PEAK1: variants seen among roughly 807,000 people sequenced by gnomAD.
The protein encoded by PEAK1 is pseudopodium enriched atypical kinase 1.
Under a neutral mutation model 124.7 loss-of-function variants are expected in PEAK1, and 54 were observed. The ratio of observed to expected loss-of-function variants is 0.43; its 90% CI spans 0.35 to 0.54. The LOEUF is 0.54. PEAK1 is among the 20% of genes least tolerant of loss of function. The probability of loss-of-function intolerance (pLI) is 0.01; values close to 1 mark genes in which losing one functional copy is unlikely to be tolerated. For missense variants in PEAK1, 2,046 were observed against 2,134.5 expected, an observed-to-expected ratio of 0.96 and a Z score of 0.82; for synonymous variants, 719 against 760.0, an observed-to-expected ratio of 0.95 and a Z score of 0.89.
chr15:77,354,786 T>C (rs1054771819), intron 2 of PEAK1, among the ~76,000 whole-genome samples: 1 of 152,160 alleles, frequency 6.6e-6, no homozygotes, highest in African/African-American at 2.4e-5. Context: ...ATGCCTGTAA[T>C]CCCAGCACTT....
At chr15:77,401,958 G>C (rs1379531281) in intron 1 of PEAK1, 1 of 943,118 alleles carries the variant, frequency 1.1e-6, no homozygotes, top group Non-Finnish European at 1.3e-6. Flanking sequence ...CAGCACTTTG[G>C]GAGGCCAACG....
intron 6 of PEAK1, among the ~76,000 whole-genome samples, chr15:77,250,237 A>ATG: frequency 8.9e-6 from 1 of 111,884 alleles, no homozygotes; most frequent in African/African-American, 3.0e-5. Context: ...ATATATGTAT[A>ATG]TGTATATATA....
chr15:77,365,131 T>C (rs1344431184), intron 2 of PEAK1, 32 bp downstream of exon 2: 29 of 789,556 alleles, frequency 3.7e-5, no homozygotes, highest in Non-Finnish European at 4.5e-5. Context: ...AAATATATAT[T>C]AAAAGGCAAA....
At chr15:77,259,735 T>A in intron 5 of PEAK1, among the ~76,000 whole-genome samples, 1 of 152,024 alleles carries the variant, frequency 6.6e-6, no homozygotes. Flanking sequence ...AGTATTATGA[T>A]CCCTAAGAAA....
chr15:77,223,402 T>A (rs906690052), intron 6 of PEAK1, among the ~76,000 whole-genome samples: 1 of 152,050 alleles, frequency 6.6e-6, no homozygotes, highest in African/African-American at 2.4e-5. Context: ...AGCCAAGATA[T>A]GTTTTGTGGG....
chr15:77,287,980 AT>A (rs2063015227), intron 2 of PEAK1, among the ~76,000 whole-genome samples: 1 of 152,150 alleles, frequency 6.6e-6, no homozygotes, highest in Admixed American at 6.5e-5. Flanking sequence ...AATCCAAGTT[AT>A]CTCTCAATAT....
intron 1 of PEAK1, among the ~76,000 whole-genome samples, chr15:77,373,324 G>A (rs2068777334): frequency 6.6e-6 from 1 of 152,088 alleles, no homozygotes; most frequent in Non-Finnish European, 1.5e-5. Context: ...CAAAAAAGAT[G>A]CATGCAATCT....
chr15:77,248,267 C>G (rs1236819328), intron 6 of PEAK1, among the ~76,000 whole-genome samples: 1 of 151,924 alleles, frequency 6.6e-6, no homozygotes. Flanking sequence ...CTTAGCTGTA[C>G]CACTAAATAG....
chr15:77,300,011 T>C (rs1443969693), intron 2 of PEAK1, among the ~76,000 whole-genome samples: 1 of 152,192 alleles, frequency 6.6e-6, no homozygotes, highest in Non-Finnish European at 1.5e-5. Context: ...TATAATCCCC[T>C]CATTCTTCGA....
chr15:77,218,119 G>C (rs1371457914), intron 6 of PEAK1, among the ~76,000 whole-genome samples: 1 of 152,012 alleles, frequency 6.6e-6, no homozygotes, highest in Non-Finnish European at 1.5e-5. Flanking sequence ...TATTGCACTG[G>C]ATAAGTCTTC....
intron 6 of PEAK1, among the ~76,000 whole-genome samples, chr15:77,201,453 T>A (rs778491186): frequency 8.5e-5 from 13 of 152,064 alleles, no homozygotes; most frequent in Non-Finnish European, 1.8e-4. Flanking sequence ...TTAGCCAGGA[T>A]GGTCTTGATC....
intron 6 of PEAK1, among the ~76,000 whole-genome samples, chr15:77,206,286 T>C (rs1352444421): frequency 1.3e-5 from 2 of 148,534 alleles, no homozygotes; most frequent in Non-Finnish European, 3.0e-5. Context: ...GCAATAAACA[T>C]ACATGTGCAT....
chr15:77,132,826 T>C (rs867601285), intron 9 of PEAK1, among the ~76,000 whole-genome samples, 179 bp downstream of exon 9: 1 of 151,954 alleles, frequency 6.6e-6, no homozygotes, highest in African/African-American at 2.4e-5. Flanking sequence ...AAGTTACGTA[T>C]CTGTTTTCTT....
chr15:77,283,173 T>C (rs550634073), intron 5 of PEAK1, among the ~76,000 whole-genome samples: 3 of 152,328 alleles, frequency 2.0e-5, no homozygotes, highest in South Asian at 4.1e-4. Flanking sequence ...TAATACATTT[T>C]TCTTCTCTAA....
intron 6 of PEAK1, among the ~76,000 whole-genome samples, chr15:77,235,438 A>C (rs1360533813): frequency 1.3e-5 from 2 of 152,192 alleles, no homozygotes; most frequent in Admixed American, 1.3e-4. Flanking sequence ...GAACTGCAGC[A>C]AAGGTGACTC....
intron 8 of PEAK1, among the ~76,000 whole-genome samples, chr15:77,150,922 T>C (rs1340225666): frequency 6.6e-6 from 1 of 152,198 alleles, no homozygotes; most frequent in Non-Finnish European, 1.5e-5. Context: ...TTGTTGGACA[T>C]TTGGGTTGGT....
intron 2 of PEAK1, among the ~76,000 whole-genome samples, chr15:77,364,127 A>T (rs1332793576): frequency 6.6e-6 from 1 of 152,188 alleles, no homozygotes; most frequent in East Asian, 1.9e-4. Flanking sequence ...TGAACTCGGG[A>T]GGCAGAGGTT....
intron 8 of PEAK1, among the ~76,000 whole-genome samples, chr15:77,150,173 T>A (rs900351032): frequency 6.6e-6 from 1 of 152,228 alleles, no homozygotes; most frequent in Non-Finnish European, 1.5e-5. Flanking sequence ...TCTTAAATTT[T>A]ATGTCTGAAA....
chr15:77,253,256 T>C (rs970504584), intron 5 of PEAK1, among the ~76,000 whole-genome samples: 1 of 112,632 alleles, frequency 8.9e-6, no homozygotes, highest in African/African-American at 2.9e-5. Context: ...GGGGGGGGGG[T>C]GGTCCTGGAG....
Sources: allele counts gnomAD v4.1 joint callset (sites outside exome capture counted in the v4.1 genomes callset), GRCh38; gene constraint gnomAD v4.1.1; transcripts MANE v1.5; gene names NCBI Gene and HGNC (gene_info 2026-07-23, HGNC 2026-07-21).